Variants in SLC14A2 observed in about 807,000 individuals in gnomAD.
The protein encoded by SLC14A2 is solute carrier family 14 member 2.
A neutral mutation model predicts 104.6 loss-of-function variants in SLC14A2; 91 were observed. The observed-to-expected ratio is 0.87, with a 90% confidence interval of 0.73 to 1.04. The LOEUF (loss-of-function observed/expected upper bound fraction) is 1.04, where lower values mean the gene tolerates loss of function less well. Among genes scored for constraint, SLC14A2 ranks in the 50% least tolerant of loss-of-function variants. The pLI, the probability that SLC14A2 is intolerant of heterozygous loss-of-function variation, is 0.00. For missense variants in SLC14A2, 1,189 were observed against 1,156.0 expected, an observed-to-expected ratio of 1.03 and a Z score of -0.41; for synonymous variants, 476 against 466.4, an observed-to-expected ratio of 1.02 and a Z score of -0.27.
chr18:45,274,855 T>C (rs1354060265), intron 1 of SLC14A2, among the ~76,000 whole-genome samples: 1 of 152,190 alleles, frequency 6.6e-6, no homozygotes, highest in African/African-American at 2.4e-5. Flanking sequence ...GAGAACGTGA[T>C]TTTTGGTGTG....
At chr18:45,676,905 T>G (rs1038976355) in intron 18 of SLC14A2, among the ~76,000 whole-genome samples, 12 of 152,254 alleles carry the variant, frequency 7.9e-5, no homozygotes, top group African/African-American at 2.9e-4. Context: ...CCACACTGTT[T>G]CCTGAAGCCA....
intron 2 of SLC14A2, among the ~76,000 whole-genome samples, chr18:45,572,950 T>G (rs1208597414): frequency 3.3e-5 from 5 of 152,204 alleles, no homozygotes; most frequent in Non-Finnish European, 7.3e-5. Flanking sequence ...GAAGCATCAT[T>G]GTTATTGTCA....
At chr18:45,282,964 A>T (rs1373637798) in intron 1 of SLC14A2, among the ~76,000 whole-genome samples, 1 of 152,204 alleles carries the variant, frequency 6.6e-6, no homozygotes, top group Non-Finnish European at 1.5e-5. Context: ...TAGGGTGTGA[A>T]GACTAGAAAT....
intron 1 of SLC14A2, among the ~76,000 whole-genome samples, chr18:45,416,782 T>C (rs1188989753): frequency 6.6e-6 from 1 of 152,236 alleles, no homozygotes; most frequent in Non-Finnish European, 1.5e-5. Flanking sequence ...AGCAGGTTTT[T>C]TCCTCTCTCA....
intron 1 of SLC14A2, among the ~76,000 whole-genome samples, chr18:45,415,849 C>T (rs1481848627): frequency 6.6e-6 from 1 of 152,100 alleles, no homozygotes. Flanking sequence ...GACCTTTGGC[C>T]TGTTAGACTT....
At chr18:45,607,112 C>T (rs1454638560) in intron 2 of SLC14A2, among the ~76,000 whole-genome samples, 1 of 152,090 alleles carries the variant, frequency 6.6e-6, no homozygotes, top group Non-Finnish European at 1.5e-5. Context: ...GTTGTCTCTG[C>T]ATTCAATCTC....
chr18:45,489,881 C>T (rs2087688129), intron 2 of SLC14A2: 1 of 152,188 alleles, frequency 6.6e-6, no homozygotes, highest in Admixed American at 6.5e-5. Context: ...TTCAAAGCAT[C>T]TCTCATCTTT....
chr18:45,567,746 C>A (rs1471261551), intron 2 of SLC14A2, among the ~76,000 whole-genome samples: 4 of 152,204 alleles, frequency 2.6e-5, no homozygotes, highest in Admixed American at 6.5e-5. Flanking sequence ...CTGATCACTT[C>A]ATTGGACAGT....
At chr18:45,443,097 T>C (rs1400277266) in intron 1 of SLC14A2, among the ~76,000 whole-genome samples, 1 of 152,214 alleles carries the variant, frequency 6.6e-6, no homozygotes, top group Non-Finnish European at 1.5e-5. Context: ...TATCCTTGTT[T>C]CAAATTAACA....
At chr18:45,215,842 AT>A (rs111843378) in intron 1 of SLC14A2, among the ~76,000 whole-genome samples, 7 of 151,106 alleles carry the variant, frequency 4.6e-5, no homozygotes, top group Admixed American at 3.3e-4. Flanking sequence ...CTATAATGGT[AT>A]TTTTTTTTGG....
the SLC14A2 span, among the ~76,000 whole-genome samples, chr18:45,204,947 G>T: frequency 2.0e-5 from 3 of 152,158 alleles, no homozygotes; most frequent in African/African-American, 7.2e-5. Flanking sequence ...GAGGAGGAGA[G>T]TTGGCTGAGT....
chr18:45,249,058 G>A (rs2144070371), intron 1 of SLC14A2, among the ~76,000 whole-genome samples: 1 of 152,200 alleles, frequency 6.6e-6, no homozygotes, highest in Non-Finnish European at 1.5e-5. Context: ...CGTCCTTTGG[G>A]GGTTACCTCT....
intron 2 of SLC14A2, among the ~76,000 whole-genome samples, chr18:45,604,107 T>C (rs1249809485): frequency 6.6e-6 from 1 of 152,242 alleles, no homozygotes; most frequent in Non-Finnish European, 1.5e-5. Flanking sequence ...TATAATTCAC[T>C]TTTCCAATTT....
intron 2 of SLC14A2, among the ~76,000 whole-genome samples, chr18:45,588,089 A>C (rs1387849814): frequency 1.3e-5 from 2 of 152,126 alleles, no homozygotes; most frequent in African/African-American, 4.8e-5. Context: ...ATGATCATGG[A>C]AAGACTGTCA....
At position 45,432,193 on chromosome 18, in the gene SLC14A2, TAAC is replaced by T. The variant is rs1481811911; in HGVS notation, c.-124-51035_-124-51033del. On this transcript the variant is annotated intron_variant, in intron 1 of 20. Coordinates refer to the SLC14A2 transcript ENST00000586448. ...ATAAAAATAGCAGTGTTGGAAAGGA[TAAC>T]AACACTCCCAGCACGGAACCCTCCC... Among the ~76,000 whole-genome samples the T allele has an allele frequency of 9.2e-5, 14 of 152,236 alleles. 1 individual carries two copies. The East Asian group carries it at 2.1e-3, about 23-fold the overall frequency.
chr18:45,379,369 A>G (rs1429278811), intron 1 of SLC14A2, among the ~76,000 whole-genome samples: 5 of 152,136 alleles, frequency 3.3e-5, no homozygotes, highest in South Asian at 2.1e-4. Context: ...GTGAAAGTCT[A>G]TTTTCTCTTC....
intron 1 of SLC14A2, among the ~76,000 whole-genome samples, chr18:45,469,244 G>A (rs2087200503): frequency 1.3e-5 from 2 of 152,178 alleles, no homozygotes; most frequent in South Asian, 4.1e-4. Flanking sequence ...CAATTATTTA[G>A]GAAAGGGCAT....
the SLC14A2 span, among the ~76,000 whole-genome samples, chr18:45,196,289 C>T: frequency 2.0e-5 from 3 of 152,178 alleles, no homozygotes; most frequent in Admixed American, 6.5e-5. Context: ...ACATTAGTTA[C>T]GAGTTTGCTG....
intron 1 of SLC14A2, among the ~76,000 whole-genome samples, chr18:45,396,892 C>G (rs904752051): frequency 6.6e-6 from 1 of 152,012 alleles, no homozygotes; most frequent in African/African-American, 2.4e-5. Context: ...TCATTTAGCC[C>G]CCACTTATAA....
Sources: allele counts gnomAD v4.1 joint callset (sites outside exome capture counted in the v4.1 genomes callset), GRCh38; gene constraint gnomAD v4.1.1; transcripts MANE v1.5; gene names NCBI Gene and HGNC (gene_info 2026-07-23, HGNC 2026-07-21).